The following DRC3 variants were observed in gnomAD, a reference collection of about 807,000 sequenced individuals.
DRC3 encodes dynein regulatory complex subunit 3, also known as leucine rich repeat containing 48.
DRC3 carries 45 observed loss-of-function variants against 57.6 expected under a neutral mutation model. The ratio of observed to expected loss-of-function variants is 0.78; its 90% CI spans 0.62 to 1.00. The LOEUF (loss-of-function observed/expected upper bound fraction) is 1.00, where lower values mean the gene tolerates loss of function less well. Ranked by LOEUF, DRC3 falls within the 50% of genes least tolerant of loss-of-function variation. The probability of loss-of-function intolerance (pLI) is 0.00; values close to 1 mark genes in which losing one functional copy is unlikely to be tolerated. For synonymous variants in DRC3, 257 were observed against 272.3 expected, an observed-to-expected ratio of 0.94 and a Z score of 0.55; for missense variants, 655 against 675.2, an observed-to-expected ratio of 0.97 and a Z score of 0.33.
chr17:17,982,438 ACC>A (rs1182197242), intron 3 of DRC3, among the ~76,000 whole-genome samples: 14 of 150,780 alleles, frequency 9.3e-5, no homozygotes, highest in African/African-American at 3.2e-4. Context: ...GATGGTCTCC[ACC>A]TCCTCACCTC....
chr17:17,975,521 C>CT (rs2042344655), intron 2 of DRC3, among the ~76,000 whole-genome samples: 1 of 145,080 alleles, frequency 6.9e-6, no homozygotes, highest in East Asian at 2.1e-4. Flanking sequence ...CCCCACCCCC[C>CT]CCCCAAAAAA....
rs776292566 is a variant in DRC3, at chr17:17,992,803, C to A, written c.483C>A (p.Leu161=). Residue 161 remains leucine, a synonymous_variant, in exon 6 of 14, where the codon CTC becomes CTA. Transcript: ENST00000399187. The stretch of plus-strand genomic sequence containing the variant: ...GGCGGTTCAAGTGCCTGCGGACGCT[C>A]AGCCTCTCTAGGAACCCTATCTCTG... The part of the protein sequence containing the change: ...YLRRFKCLRT[L]SLSRNPISEA... 7.4e-6 allele frequency: 12 copies of A among 1,613,834 alleles called. No individual in the cohort carries two copies. The highest frequency in any genetic ancestry group is 9.3e-6 in the Non-Finnish European group (11 of 1,179,820).
intron 6 of DRC3, chr17:17,994,052 C>T (rs2043345164): frequency 6.9e-6 from 3 of 432,444 alleles, no homozygotes; most frequent in South Asian, 4.5e-5. Flanking sequence ...CCCCAGCCTG[C>T]CACGCTGCCT....
chr17:17,977,528 G>A, intron 2 of DRC3, 54 bp from the exon 3 acceptor site: 2 of 1,605,030 alleles, frequency 1.2e-6, no homozygotes, highest in Non-Finnish European at 1.7e-6. Context: ...GCCAGACCCT[G>A]CCCTCAAACA....
In DRC3 at chr17:18,007,013, C is replaced by T. The variant is rs748461361; in HGVS notation, c.1203-11C>T. ...GCTCCTCCCGGGCCTTTGCTTAACTCGGGGCTGCACGATGGCTCAGTGCCG... is the reference window on the plus strand; with the variant it reads ...GCTCCTCCCGGGCCTTTGCTTAACTTGGGGCTGCACGATGGCTCAGTGCCG... On this transcript the variant is annotated splice_polypyrimidine_tract_variant and intron_variant, in intron 11 of 13. Coordinates refer to ENST00000399187, the MANE Select transcript of DRC3 (RefSeq NM_031294.4). The T allele has an allele frequency of 3.7e-6, 6 of 1,612,690 alleles. No individual in the cohort carries two copies. The highest frequency in any genetic ancestry group is 3.3e-5 in the South Asian group (3 of 91,020).
In DRC3 at chr17:18,008,236, G is replaced by A. The variant is rs1004267165; in HGVS notation, c.1326+1089G>A. Among the ~76,000 whole-genome samples, 1 of 152,200 alleles carries A rather than the reference G, an allele frequency of 6.6e-6. No individual in the cohort carries two copies. The highest frequency in any genetic ancestry group is 1.5e-5 in the Non-Finnish European group (1 of 68,040). ...GTGCCTGGCTTGTCCTTGTCATTCA[G>A]ATTTCAGCTTGACTATCAGCTCTTG... On this transcript the variant is annotated intron_variant, in intron 12 of 13. Coordinates refer to ENST00000399187, the MANE Select transcript of DRC3 (RefSeq NM_031294.4). This position sits in a 1 kb window ranked among gnomAD's most constrained non-coding sequence, Gnocchi z 4.3.
At chr17:17,986,605 G>A (rs1206282303) in intron 4 of DRC3, among the ~76,000 whole-genome samples, 1 of 151,900 alleles carries the variant, frequency 6.6e-6, no homozygotes, top group African/African-American at 2.4e-5. Flanking sequence ...TGGGATTACA[G>A]GCATGTGCCA....
At chr17:18,015,783 T>C (rs1360726429) in intron 12 of DRC3, 3 of 339,244 alleles carry the variant, frequency 8.8e-6, no homozygotes, top group Non-Finnish European at 1.7e-5. Context: ...TGGGCAGCCA[T>C]CTGCCTTCAC....
chr17:17,980,068 T>C (rs1418736083), intron 3 of DRC3, among the ~76,000 whole-genome samples: 1 of 152,180 alleles, frequency 6.6e-6, no homozygotes, highest in Non-Finnish European at 1.5e-5. Context: ...AATCCAGCTC[T>C]AGGGGAAGGG....
chr17:17,996,204 G>A (rs2043452537), intron 8 of DRC3, among the ~76,000 whole-genome samples: 1 of 152,204 alleles, frequency 6.6e-6, no homozygotes, highest in Non-Finnish European at 1.5e-5. Context: ...GTATTTAGTA[G>A]AGACTGGGTT....
chr17:18,009,433 C>T (rs1056679622), intron 12 of DRC3, among the ~76,000 whole-genome samples: 15 of 152,140 alleles, frequency 9.9e-5, no homozygotes, highest in African/African-American at 3.6e-4. Context: ...AGGAATAATA[C>T]ATCGCTGACA....
chr17:17,995,141 A>C, intron 8 of DRC3, 30 bp downstream of exon 8: 1 of 1,538,414 alleles, frequency 6.5e-7, no homozygotes, highest in Non-Finnish European at 9.0e-7. Flanking sequence ...GCTGTCTCAG[A>C]GCCTCTGCCA....
rs750310668 is a variant in DRC3 at position 18,006,173 on chromosome 17, A to T, written c.1132-10A>T. 4.9e-5 allele frequency: 78 copies of T among 1,603,654 alleles called. 1 individual carries two copies. The South Asian group carries it at 7.9e-4, about 16-fold the overall frequency. On this transcript the variant is annotated splice_polypyrimidine_tract_variant and intron_variant, in intron 10 of 13. Transcript: ENST00000399187. Reference sequence around the variant, plus strand: ...ATATGCATGTTAACTGTGTTCTTTAACATTTCCAGGAGACTATAAACATGT... The same window carrying T: ...ATATGCATGTTAACTGTGTTCTTTATCATTTCCAGGAGACTATAAACATGT...
intron 3 of DRC3, among the ~76,000 whole-genome samples, chr17:17,980,429 G>C (rs1382578266): frequency 2.0e-5 from 3 of 152,018 alleles, no homozygotes; most frequent in Non-Finnish European, 4.4e-5. Context: ...CAAGTAGCTG[G>C]AACTACAGGC....
chr17:17,991,027 T>C (rs890795739), intron 5 of DRC3, among the ~76,000 whole-genome samples: 11 of 151,958 alleles, frequency 7.2e-5, no homozygotes, highest in African/African-American at 2.7e-4. Flanking sequence ...AAAACATTTT[T>C]CCCCCACTCC....
intron 12 of DRC3, among the ~76,000 whole-genome samples, chr17:18,012,760 A>G (rs1187368524): frequency 6.6e-6 from 1 of 152,222 alleles, no homozygotes; most frequent in African/African-American, 2.4e-5. Context: ...TTGGCCTGGG[A>G]AAAAATTTTA....
intron 9 of DRC3, among the ~76,000 whole-genome samples, chr17:18,002,935 T>C (rs1337439867): frequency 6.6e-6 from 1 of 152,158 alleles, no homozygotes. Context: ...GAGAAAAGCA[T>C]ACAAATTTTA....
In DRC3 at chr17:17,988,443, G is replaced by A. The variant is rs553411522; in HGVS notation, c.444+345G>A. On this transcript the variant is annotated intron_variant, in intron 5 of 13. Transcript: ENST00000399187. ...TGGGAACAGAGACAGACGAGATGTG[G>A]TCCCTTTGGAGTGACCAGCACACAC... is the stretch of plus-strand genomic sequence containing the variant. 1.3e-4 allele frequency: 36 copies of A among 269,524 alleles called. 1 individual carries two copies. In the South Asian group the frequency reaches 1.5e-3, roughly 11 times the overall value. The allele number at this position is 269,524 out of a possible 1,614,324, so 16.7% of individuals were successfully genotyped here.
At chr17:18,014,161 C>T (rs532632114) in intron 12 of DRC3, among the ~76,000 whole-genome samples, 2 of 152,294 alleles carry the variant, frequency 1.3e-5, no homozygotes, top group African/African-American at 4.8e-5. Flanking sequence ...TGAGGTGATC[C>T]ACCCACCTTC....
Sources: allele counts gnomAD v4.1 joint callset (sites outside exome capture counted in the v4.1 genomes callset), GRCh38; gene constraint gnomAD v4.1.1; non-coding constraint Gnocchi (gnomAD v3.1); transcripts MANE v1.5; gene names NCBI Gene and HGNC (gene_info 2026-07-23, HGNC 2026-07-21).